Variants in RBPJ observed in about 807,000 individuals in gnomAD.
RBPJ encodes the protein recombining binding protein suppressor of hairless.
Under a neutral mutation model 67.8 loss-of-function variants are expected in RBPJ, and 9 were observed. The ratio of observed to expected loss-of-function variants is 0.13; its 90% CI spans 0.08 to 0.23. The LOEUF (loss-of-function observed/expected upper bound fraction) is 0.23, where lower values mean the gene tolerates loss of function less well. Among genes scored for constraint, RBPJ ranks in the 10% least tolerant of loss-of-function variants. The pLI is 1.00. For synonymous variants in RBPJ, 198 were observed against 203.3 expected (o/e 0.97, Z 0.22); for missense variants, 305 against 595.6 (o/e 0.51, Z 5.08).
upstream of RBPJ, among the ~76,000 whole-genome samples, chr4:26,159,982 G>A (rs189920486): frequency 1.8e-4 from 28 of 151,728 alleles, no homozygotes; most frequent in African/African-American, 6.3e-4. Flanking sequence ...GCAGTGGCGC[G>A]ATCTTGGCTG....
chr4:26,419,489 TA>T (rs1734913626), intron 4 of RBPJ, among the ~76,000 whole-genome samples: 1 of 152,198 alleles, frequency 6.6e-6, no homozygotes, highest in South Asian at 2.1e-4. Flanking sequence ...TGTCTGTGAA[TA>T]AAATTTTAAA....
chr4:26,210,723 CTTTCCTTCTTTA>C (rs1396727792), intron 1 of RBPJ, among the ~76,000 whole-genome samples: 4 of 86,566 alleles, frequency 4.6e-5, no homozygotes, highest in African/African-American at 8.7e-5. Context: ...TTCCTTCTTT[CTTTCCTTCTTTA>C]CTTCTTTCCT....
At chr4:26,191,196 TATATATATATATATAG>T (rs1717509831) in intron 1 of RBPJ, among the ~76,000 whole-genome samples, 3 of 27,320 alleles carry the variant, frequency 1.1e-4, no homozygotes, top group African/African-American at 3.5e-4. Flanking sequence ...TATATATATA[TATATATATATATATAG>T]AGAGAGAGAG....
chr4:26,319,840 A>C (rs1447692263), upstream of RBPJ: 3 of 1,587,560 alleles, frequency 1.9e-6, no homozygotes, highest in African/African-American at 1.3e-5. Flanking sequence ...GGATCTGGGA[A>C]TCTCTAGGAA....
At chr4:26,226,448 C>CT (rs1354722666) in intron 1 of RBPJ, among the ~76,000 whole-genome samples, 2 of 152,104 alleles carry the variant, frequency 1.3e-5, no homozygotes, top group Non-Finnish European at 2.9e-5. Flanking sequence ...GCACTTGAGC[C>CT]TGAGTGACAG....
intron 1 of RBPJ, among the ~76,000 whole-genome samples, chr4:26,352,746 A>G (rs138511587): frequency 6.4e-4 from 98 of 152,314 alleles, no homozygotes; most frequent in African/African-American, 2.2e-3. Flanking sequence ...AACAAAATCT[A>G]TCCGTGGCGT....
chr4:26,274,209 C>T (rs1323414335), intron 1 of RBPJ, among the ~76,000 whole-genome samples: 1 of 152,220 alleles, frequency 6.6e-6, no homozygotes, highest in Non-Finnish European at 1.5e-5. Context: ...CACCCTGCAT[C>T]CCGAGCACCC....
At chr4:26,427,052 C>T (rs892582380) in intron 7 of RBPJ, among the ~76,000 whole-genome samples, 1 of 152,076 alleles carries the variant, frequency 6.6e-6, no homozygotes, top group African/African-American at 2.4e-5. Flanking sequence ...AGCAATGCGG[C>T]CGTGGAAGCA....
chr4:26,270,140 G>A (rs1054933892), intron 1 of RBPJ, among the ~76,000 whole-genome samples: 1 of 151,384 alleles, frequency 6.6e-6, no homozygotes, highest in Admixed American at 6.6e-5. Flanking sequence ...AGCTTACCCA[G>A]GTGTGGTGGC....
At chr4:26,187,179 G>T (rs758558615) in intron 1 of RBPJ, among the ~76,000 whole-genome samples, 12 of 152,290 alleles carry the variant, frequency 7.9e-5, no homozygotes, top group African/African-American at 2.6e-4. Flanking sequence ...CCATGACTGC[G>T]CTACTGCATT....
chr4:26,372,672 A>G (rs936701720), intron 1 of RBPJ, among the ~76,000 whole-genome samples: 4 of 152,172 alleles, frequency 2.6e-5, no homozygotes, highest in Non-Finnish European at 4.4e-5. Flanking sequence ...TAGTGTTTCC[A>G]TAAGTTACTG....
chr4:26,176,615 C>T (rs761259553), intron 1 of RBPJ, among the ~76,000 whole-genome samples: 6 of 152,256 alleles, frequency 3.9e-5, no homozygotes, highest in African/African-American at 4.8e-5. Context: ...GCCCAGCTGA[C>T]GTCCCCCTTC....
upstream of RBPJ, among the ~76,000 whole-genome samples, chr4:26,320,380 T>G (rs1295928681): frequency 6.6e-6 from 1 of 152,162 alleles, no homozygotes; most frequent in African/African-American, 2.4e-5. Flanking sequence ...AAGGGCCTCC[T>G]CATTAGCATG....
At chr4:26,320,933 G>A, upstream of RBPJ, 2 of 1,609,702 alleles carry the variant, frequency 1.2e-6, no homozygotes, top group Non-Finnish European at 1.7e-6. Flanking sequence ...TGGAATCGAG[G>A]AGTGAGGAAA....
intron 1 of RBPJ, among the ~76,000 whole-genome samples, chr4:26,336,645 G>A (rs889360109): frequency 1.6e-5 from 2 of 128,606 alleles, no homozygotes; most frequent in Admixed American, 1.7e-4. Flanking sequence ...GCAAGACCTT[G>A]TTTCTTTACC....
chr4:26,406,091 C>G lies in RBPJ; in HGVS notation c.60-84C>G, dbSNP rs1733374136. The stretch of plus-strand genomic sequence containing the variant: ...TATTTAAAAAATATTTATAAGCATT[C>G]CTCTCATTACAGAGCGTAGTAATGA... On this transcript the variant is annotated intron_variant, in intron 2 of 10. Transcript: ENST00000355476. The G allele has an allele frequency of 6.4e-6, 5 of 784,812 alleles. No individual in the cohort carries two copies. The East Asian group carries it at 1.0e-4, about 16-fold the overall frequency. 48.6% of individuals were successfully genotyped at this position (784,812 alleles called of 1,614,324 possible).
intron 1 of RBPJ, among the ~76,000 whole-genome samples, chr4:26,285,678 T>TA (rs545484809): frequency 0.18 from 17,019 of 96,114 alleles, 2,184 homozygotes; most frequent in African/African-American, 0.33. Context: ...ACTGATACGT[T>TA]AAAAAAAAAA....
At chr4:26,403,165 T>C (rs537395965) in intron 2 of RBPJ, among the ~76,000 whole-genome samples, 5 of 152,244 alleles carry the variant, frequency 3.3e-5, no homozygotes, top group African/African-American at 1.2e-4. Flanking sequence ...TTCTATAGTA[T>C]TGATTTTCTA....
At chr4:26,129,545 T>C in the RBPJ span, among the ~76,000 whole-genome samples, 30 of 152,248 alleles carry the variant, frequency 2.0e-4, no homozygotes, top group African/African-American at 7.0e-4. Context: ...TAACTTACTT[T>C]GGGGGACCTC....
Sources: allele counts gnomAD v4.1 joint callset (sites outside exome capture counted in the v4.1 genomes callset), GRCh38; gene constraint gnomAD v4.1.1; transcripts MANE v1.5; gene names NCBI Gene and HGNC (gene_info 2026-07-23, HGNC 2026-07-21).